The following GPAT3 variants were observed in gnomAD, a reference collection of about 807,000 sequenced individuals.
The protein encoded by GPAT3 is glycerol-3-phosphate acyltransferase 3.
Under a neutral mutation model 58.8 loss-of-function variants are expected in GPAT3, and 53 were observed. The ratio of observed to expected loss-of-function variants is 0.90; its 90% CI spans 0.72 to 1.13. The LOEUF is 1.13. Ranked by LOEUF, GPAT3 falls within the 50% of genes most tolerant of loss-of-function variation. GPAT3 has a pLI of 0.00. For missense variants in GPAT3, 511 were observed against 527.6 expected, an observed-to-expected ratio of 0.97 and a Z score of 0.31; for synonymous variants, 197 against 187.4, an observed-to-expected ratio of 1.05 and a Z score of -0.42.
chr4:83,547,508 T>TC (rs1296250536), intron 2 of GPAT3, among the ~76,000 whole-genome samples: 1 of 152,030 alleles, frequency 6.6e-6, no homozygotes, highest in African/African-American at 2.4e-5. Context: ...CACCTCGGCC[T>TC]CCCAAAGTGC....
chr4:83,547,205 T>C (rs945416514), intron 2 of GPAT3, among the ~76,000 whole-genome samples: 1 of 150,646 alleles, frequency 6.6e-6, no homozygotes, highest in African/African-American at 2.5e-5. Flanking sequence ...AGAGGGAGAG[T>C]TATGCTTATT....
intron 9 of GPAT3, among the ~76,000 whole-genome samples, 198 bp downstream of exon 9, chr4:83,597,713 C>T (rs1048331774): frequency 1.3e-5 from 2 of 152,156 alleles, no homozygotes; most frequent in South Asian, 4.1e-4. Flanking sequence ...TACTGGGTGA[C>T]TCTGTGCCAG....
At chr4:83,559,805 G>A (rs1165379943) in intron 2 of GPAT3, among the ~76,000 whole-genome samples, 1 of 152,128 alleles carries the variant, frequency 6.6e-6, no homozygotes, top group Non-Finnish European at 1.5e-5. Flanking sequence ...AAGATGAGGG[G>A]GGCAGGTGGC....
intron 2 of GPAT3, among the ~76,000 whole-genome samples, chr4:83,566,448 T>TA (rs1725390606): frequency 6.8e-6 from 1 of 148,094 alleles, no homozygotes; most frequent in African/African-American, 2.5e-5. Context: ...TTATTATTAT[T>TA]TTTAATAGAG....
chr4:83,585,749 C>T (rs1335740328), intron 3 of GPAT3, among the ~76,000 whole-genome samples: 2 of 151,896 alleles, frequency 1.3e-5, no homozygotes, highest in Non-Finnish European at 2.9e-5. Context: ...ACCATGCCTT[C>T]CTAATTTTTG....
chr4:83,584,068 A>G (rs943385335), intron 3 of GPAT3, among the ~76,000 whole-genome samples: 3 of 152,218 alleles, frequency 2.0e-5, no homozygotes, highest in African/African-American at 7.2e-5. Flanking sequence ...TGAAGGAAGA[A>G]TGAGGAATTC....
chr4:83,563,087 A>G (rs1376314513), intron 2 of GPAT3, among the ~76,000 whole-genome samples: 1 of 152,242 alleles, frequency 6.6e-6, no homozygotes, highest in Non-Finnish European at 1.5e-5. Flanking sequence ...TTATGTGGAA[A>G]GCACCATAAT....
rs1368012985 is a variant in GPAT3 at position 83,544,613 on chromosome 4, C to T, written c.208+11C>T. 1 of 1,613,262 alleles carries T rather than the reference C, an allele frequency of 6.2e-7. No homozygotes were observed. The highest frequency in any genetic ancestry group is 8.5e-7 in the Non-Finnish European group (1 of 1,179,578). Reference sequence around the variant, plus strand: ...ACTCTGCTTCTGTTGGTGAGTTTTCCTTTTCATTATGATTGTTACCATATT... The same window carrying T: ...ACTCTGCTTCTGTTGGTGAGTTTTCTTTTTCATTATGATTGTTACCATATT... On this transcript the variant is annotated intron_variant, in intron 2 of 11. Transcript: ENST00000264409.
chr4:83,566,817 A>G (rs987385533), intron 2 of GPAT3, among the ~76,000 whole-genome samples: 21 of 125,476 alleles, frequency 1.7e-4, no homozygotes, highest in African/African-American at 6.0e-4. Context: ...CCCATTTGTT[A>G]GGTTTTCTTT....
At chr4:83,590,748 G>A (rs1473883185) in intron 6 of GPAT3, among the ~76,000 whole-genome samples, 1 of 152,120 alleles carries the variant, frequency 6.6e-6, no homozygotes, top group South Asian at 2.1e-4. Flanking sequence ...ATTTATATCA[G>A]GTTGTCTTTC....
chr4:83,597,320 G>A (rs965526556), intron 8 of GPAT3, 110 bp from the exon 9 acceptor site: 1 of 602,452 alleles, frequency 1.7e-6, no homozygotes, highest in African/African-American at 1.9e-5. Flanking sequence ...TACGATGCCT[G>A]TAATTTTGAT....
intron 2 of GPAT3, among the ~76,000 whole-genome samples, chr4:83,580,666 G>A (rs1244920805): frequency 1.3e-5 from 2 of 152,036 alleles, no homozygotes; most frequent in Non-Finnish European, 2.9e-5. Context: ...CTGTAAATAG[G>A]CCTTTGTCTA....
At chr4:83,552,302 A>G (rs1158758587) in intron 2 of GPAT3, among the ~76,000 whole-genome samples, 1 of 152,188 alleles carries the variant, frequency 6.6e-6, no homozygotes, top group Non-Finnish European at 1.5e-5. Flanking sequence ...CATTCGTGAC[A>G]ACCAACAATG....
chr4:83,548,704 T>G (rs1041466550), intron 2 of GPAT3, among the ~76,000 whole-genome samples: 1 of 152,044 alleles, frequency 6.6e-6, no homozygotes, highest in African/African-American at 2.4e-5. Flanking sequence ...TCTTACCCCA[T>G]GCCCTGCTCC....
In GPAT3 at chr4:83,598,110, C is replaced by T. The variant is rs1200378508; in HGVS notation, c.1056C>T (p.Tyr352=). 3 of 1,613,588 alleles carry T rather than the reference C, an allele frequency of 1.9e-6. No individual in the cohort carries two copies. Among genetic ancestry groups the T allele is most frequent in the African/African-American group, 1.3e-5 (1 of 74,856 alleles). ...GTAGTAAATACAACATGGTGAGCTACCTGCTTCGAATGATGACCAGCTGGG... is the reference window on the plus strand; with the variant it reads ...GTAGTAAATACAACATGGTGAGCTATCTGCTTCGAATGATGACCAGCTGGG... ...WNSSKYNMVS[Y]LLRMMTSWAI... The change falls in exon 10 of 12, where the codon TAC becomes TAT. Residue 352 remains tyrosine (Y), a synonymous_variant. Coordinates refer to ENST00000264409, the MANE Select transcript of GPAT3 (RefSeq NM_032717.5).
chr4:83,596,976 GA>G, intron 8 of GPAT3, 63 bp downstream of exon 8: 1 of 1,470,602 alleles, frequency 6.8e-7, no homozygotes, highest in Non-Finnish European at 9.4e-7. Flanking sequence ...AGTGTGTGAG[GA>G]ATAGAATTGC....
At chr4:83,561,797 C>T (rs1199619745) in intron 2 of GPAT3, among the ~76,000 whole-genome samples, 1 of 149,590 alleles carries the variant, frequency 6.7e-6, no homozygotes, top group East Asian at 1.9e-4. Context: ...TTTTTCCCCC[C>T]TTTTTTGGTA....
At chr4:83,570,746 T>A (rs1372528733) in intron 2 of GPAT3, among the ~76,000 whole-genome samples, 7 of 152,202 alleles carry the variant, frequency 4.6e-5, no homozygotes, top group Non-Finnish European at 8.8e-5. Flanking sequence ...GTGTTGGGAT[T>A]ACAGGCGTGA....
intron 10 of GPAT3, 49 bp from the exon 11 acceptor site, chr4:83,598,595 A>G (rs757718724): frequency 2.7e-6 from 4 of 1,463,850 alleles, no homozygotes; most frequent in Non-Finnish European, 3.8e-6. Context: ...ATGGTATTAA[A>G]AACTCGATAA....
Sources: allele counts gnomAD v4.1 joint callset (sites outside exome capture counted in the v4.1 genomes callset), GRCh38; gene constraint gnomAD v4.1.1; transcripts MANE v1.5; gene names NCBI Gene and HGNC (gene_info 2026-07-23, HGNC 2026-07-21).